Variants in PAN3 observed in about 807,000 individuals in gnomAD.
The protein encoded by PAN3 is PAN2-PAN3 deadenylation complex subunit PAN3.
In PAN3, 19 loss-of-function variants were observed where a neutral mutation model predicts 96.2. The ratio of observed to expected loss-of-function variants is 0.20; its 90% CI spans 0.14 to 0.29. The LOEUF is 0.29. PAN3 is among the 10% of genes least tolerant of loss of function. The probability of loss-of-function intolerance (pLI) is 1.00; values close to 1 mark genes in which losing one functional copy is unlikely to be tolerated. For missense variants in PAN3, 882 were observed against 1,108.1 expected, an observed-to-expected ratio of 0.80 and a Z score of 2.90; for synonymous variants, 433 against 406.6, an observed-to-expected ratio of 1.06 and a Z score of -0.78.
intron 6 of PAN3, among the ~76,000 whole-genome samples, chr13:28,232,076 C>T (rs1442573970): frequency 6.6e-6 from 1 of 151,910 alleles, no homozygotes; most frequent in Non-Finnish European, 1.5e-5. Context: ...TATATTTACC[C>T]AAAAGTGAAA....
intron 4 of PAN3, among the ~76,000 whole-genome samples, chr13:28,190,455 C>T (rs1269273097): frequency 6.6e-6 from 1 of 151,686 alleles, no homozygotes; most frequent in Non-Finnish European, 1.5e-5. Context: ...GGGGGGTTCT[C>T]ACTATGTTGC....
chr13:28,234,208 A>G (rs1276245802), intron 6 of PAN3, among the ~76,000 whole-genome samples: 1 of 151,978 alleles, frequency 6.6e-6, no homozygotes, highest in Non-Finnish European at 1.5e-5. Flanking sequence ...TGTTGTTGTT[A>G]TTTTAAGAGG....
At chr13:28,227,616 A>G (rs1379029531) in intron 6 of PAN3, among the ~76,000 whole-genome samples, 1 of 152,190 alleles carries the variant, frequency 6.6e-6, no homozygotes, top group Non-Finnish European at 1.5e-5. Flanking sequence ...AGAAGGTAAT[A>G]GTAGATGATT....
intron 6 of PAN3, among the ~76,000 whole-genome samples, chr13:28,252,622 T>A (rs1467012345): frequency 2.0e-5 from 3 of 152,152 alleles, no homozygotes; most frequent in Non-Finnish European, 4.4e-5. Context: ...TGGGTACTTT[T>A]GAGAATCATT....
chr13:28,275,031 C>G (rs1176908517), intron 14 of PAN3, among the ~76,000 whole-genome samples: 1 of 152,044 alleles, frequency 6.6e-6, no homozygotes, highest in East Asian at 1.9e-4. Context: ...AACTGAAAAT[C>G]AGTTGGGGGG....
chr13:28,230,428 A>G (rs530322954), intron 6 of PAN3, among the ~76,000 whole-genome samples: 48 of 152,248 alleles, frequency 3.2e-4, no homozygotes, highest in African/African-American at 1.1e-3. Flanking sequence ...GAAAAAAAAA[A>G]CAACCCTATG....
At chr13:28,204,403 G>A (rs1400165670) in intron 5 of PAN3, among the ~76,000 whole-genome samples, 1 of 152,196 alleles carries the variant, frequency 6.6e-6, no homozygotes, top group Admixed American at 6.5e-5. Context: ...CTACAGAGTT[G>A]TTGTGAGGAT....
At chr13:28,174,222 T>A in intron 1 of PAN3, 50 bp from the exon 2 acceptor site, 1 of 1,557,060 alleles carries the variant, frequency 6.4e-7, no homozygotes, top group Non-Finnish European at 8.8e-7. Flanking sequence ...GAAATCAATG[T>A]TTCATCCTCT....
intron 17 of PAN3, among the ~76,000 whole-genome samples, chr13:28,285,617 G>A (rs1035111660): frequency 1.3e-5 from 2 of 151,984 alleles, no homozygotes; most frequent in Non-Finnish European, 2.9e-5. Context: ...TTCTTGTCCT[G>A]GAATTCTCAT....
At position 28,174,276 on chromosome 13, in the gene PAN3, A is replaced by G. The variant is rs1013604573; in HGVS notation, c.435A>G (p.Pro145=). ...GGLDGPRLAI[P]GMDGGALTDT... is the part of the protein sequence containing the mutation. ...TGAATTTTCCTTCTCTTTCAGTTCC[A>G]GGAATGGATGGAGGTGCTTTAACTG... Residue 145 remains proline, a synonymous_variant, in exon 2 of 19, where the codon CCA becomes CCG. Transcript: ENST00000380958. 21 of 1,609,890 alleles carry G rather than the reference A, an allele frequency of 1.3e-5. No homozygotes were observed. The highest frequency in any genetic ancestry group is 1.8e-5 in the Non-Finnish European group (21 of 1,177,810).
At chr13:28,179,242 A>G (rs1047266347) in intron 4 of PAN3, among the ~76,000 whole-genome samples, 1 of 152,234 alleles carries the variant, frequency 6.6e-6, no homozygotes, top group Non-Finnish European at 1.5e-5. Flanking sequence ...GTAATAATAG[A>G]GTTGGACAGA....
chr13:28,181,721 A>C lies in PAN3; in HGVS notation c.690+3786A>C, dbSNP rs140756565. Among the ~76,000 whole-genome samples, 1,042 of 152,304 alleles carry C rather than the reference A, an allele frequency of 6.8e-3. 11 individuals are homozygous for C. Among genetic ancestry groups the C allele is most frequent in the African/African-American group, 0.024 (1,007 of 41,576 alleles). On this transcript the variant is annotated intron_variant, in intron 4 of 18. Transcript: ENST00000380958. ...CTGTTAGGAGATAAACACTGAAAAT[A>C]AATGTCTAGAGACTTCTATAACAAT...
chr13:28,142,105 ATC>A (rs1046690119), intron 1 of PAN3, among the ~76,000 whole-genome samples: 2 of 152,198 alleles, frequency 1.3e-5, no homozygotes, highest in African/African-American at 4.8e-5. Context: ...GCTTCTTGGT[ATC>A]TCTCAGTAAT....
At chr13:28,169,144 G>A (rs920689225) in intron 1 of PAN3, among the ~76,000 whole-genome samples, 2 of 150,910 alleles carry the variant, frequency 1.3e-5, no homozygotes, top group African/African-American at 4.9e-5. Flanking sequence ...GGTAATTAAG[G>A]TCACTCACAT....
chr13:28,247,342 C>T (rs993162072), intron 6 of PAN3, among the ~76,000 whole-genome samples: 2 of 151,876 alleles, frequency 1.3e-5, no homozygotes, highest in South Asian at 2.1e-4. Context: ...ATCAATTTCC[C>T]GATGAAGGGA....
chr13:28,277,561 T>TA (rs1887164884), intron 15 of PAN3, among the ~76,000 whole-genome samples, 185 bp downstream of exon 15: 1 of 152,224 alleles, frequency 6.6e-6, no homozygotes, highest in Admixed American at 6.5e-5. Flanking sequence ...GTGTTTAAAT[T>TA]AGTTATTGAT....
chr13:28,269,033 G>C (rs553340829), intron 12 of PAN3, among the ~76,000 whole-genome samples: 1 of 152,120 alleles, frequency 6.6e-6, no homozygotes, highest in Non-Finnish European at 1.5e-5. Flanking sequence ...TGAAATGACT[G>C]TTGGCTTTAA....
chr13:28,271,973 C>A lies in PAN3; in HGVS notation c.1959-8C>A. ...AATTATTTTCTTTAAATTATCTGGT[C>A]CTTAAAGGTTGCGAGTAAATTGTGT... On this transcript the variant is annotated splice_region_variant and splice_polypyrimidine_tract_variant and intron_variant, in intron 13 of 18. Coordinates refer to ENST00000380958, the MANE Select transcript of PAN3 (RefSeq NM_175854.8). 1.3e-6 allele frequency: 2 copies of A among 1,524,380 alleles called. No homozygotes were observed. Among genetic ancestry groups the A allele is most frequent in the South Asian group, 2.5e-5 (2 of 79,936 alleles). 94.4% of individuals were successfully genotyped at this position (1,524,380 alleles called of 1,614,324 possible).
intron 6 of PAN3, chr13:28,232,378 A>T (rs1480631290): frequency 6.6e-6 from 1 of 152,184 alleles, no homozygotes; most frequent in Admixed American, 6.5e-5. Context: ...ATCACATCCT[A>T]AAAAACTGTT....
Sources: allele counts gnomAD v4.1 joint callset (sites outside exome capture counted in the v4.1 genomes callset), GRCh38; gene constraint gnomAD v4.1.1; transcripts MANE v1.5; gene names NCBI Gene and HGNC (gene_info 2026-07-23, HGNC 2026-07-21).